The following R3HDM2 variants were observed in gnomAD, a reference collection of about 807,000 sequenced individuals.
R3HDM2 encodes the protein R3H domain-containing protein 2.
In R3HDM2, 38 loss-of-function variants were observed where a neutral mutation model predicts 124.5. That is an observed-to-expected ratio of 0.31 (90% CI 0.24 to 0.40). R3HDM2 has a LOEUF of 0.40. Among genes scored for constraint, R3HDM2 ranks in the 10% least tolerant of loss-of-function variants. R3HDM2 has a pLI of 1.00. For missense variants in R3HDM2, 869 were observed against 1,236.9 expected, an observed-to-expected ratio of 0.70 and a Z score of 4.46; for synonymous variants, 391 against 448.0, an observed-to-expected ratio of 0.87 and a Z score of 1.61.
intron 1 of R3HDM2, among the ~76,000 whole-genome samples, chr12:57,406,482 G>A (rs1429610045): frequency 6.6e-6 from 1 of 151,980 alleles, no homozygotes; most frequent in African/African-American, 2.4e-5. Context: ...TTAATTAAAA[G>A]ACTTAAGCAT....
rs143078668 is a variant in R3HDM2, at chr12:57,331,839, G to A, written c.-35-21376C>T. 5.7e-3 allele frequency among the ~76,000 whole-genome samples: 861 copies of A among 151,968 alleles called. 7 individuals are homozygous for A. Among genetic ancestry groups the A allele is most frequent in the African/African-American group, 0.02 (822 of 41,424 alleles). ...TGAGGCAGGAGAATGACATGAACCC[G>A]GGACGCGGAGCTTGCAGTGAGCCAA... is the stretch of plus-strand genomic sequence containing the variant. On this transcript the variant is annotated intron_variant, in intron 2 of 23. Coordinates refer to ENST00000402412, the MANE Select transcript of R3HDM2 (RefSeq NM_001394031.1).
chr12:57,295,295 A>G, intron 10 of R3HDM2, 104 bp downstream of exon 10: 1 of 759,810 alleles, frequency 1.3e-6, no homozygotes. Context: ...ATTTCTCCGT[A>G]CTAAGATATT....
intron 4 of R3HDM2, among the ~76,000 whole-genome samples, chr12:57,301,110 C>A (rs903936524): frequency 2.0e-5 from 3 of 150,450 alleles, no homozygotes; most frequent in Non-Finnish European, 3.0e-5. Context: ...TCTCAAAAAA[C>A]CAAAAAACAA....
At chr12:57,280,234 G>T (rs1272440567) in intron 14 of R3HDM2, 124 bp downstream of exon 14, 8 of 1,010,180 alleles carry the variant, frequency 7.9e-6, no homozygotes, top group Non-Finnish European at 1.1e-5. Context: ...AGAAATGGGG[G>T]AGAGAGTGGC....
At chr12:57,356,728 T>C (rs1246137007) in intron 2 of R3HDM2, among the ~76,000 whole-genome samples, 2 of 152,368 alleles carry the variant, frequency 1.3e-5, no homozygotes, top group South Asian at 4.1e-4. Flanking sequence ...ATAATTTCTC[T>C]AGTAGACATA....
At chr12:57,397,789 T>C (rs1015167862) in intron 1 of R3HDM2, among the ~76,000 whole-genome samples, 3 of 152,212 alleles carry the variant, frequency 2.0e-5, no homozygotes, top group Non-Finnish European at 4.4e-5. Context: ...ACTAAGAGCT[T>C]TGTCACACCA....
intron 1 of R3HDM2, chr12:57,418,226 T>G: frequency 3.0e-6 from 3 of 985,382 alleles, no homozygotes; most frequent in Non-Finnish European, 3.6e-6. Context: ...TCTTCCCACA[T>G]TTAAACAATC....
chr12:57,368,382 T>C (rs1416360515), intron 2 of R3HDM2, among the ~76,000 whole-genome samples: 1 of 152,188 alleles, frequency 6.6e-6, no homozygotes, highest in African/African-American at 2.4e-5. Context: ...GTCTGGCATT[T>C]GCCCTTAGCT....
chr12:57,310,267 T>G lies in R3HDM2; in HGVS notation c.162A>C (p.Thr54=). 1 of 1,530,684 alleles carries G rather than the reference T, an allele frequency of 6.5e-7. No homozygotes were observed. The allele number at this position is 1,530,684 out of a possible 1,614,324, so 94.8% of individuals were successfully genotyped here. A position where few individuals can be genotyped will look rare whatever the true frequency, so the allele number is the denominator to read the frequency against. ...ACAATGCATTTCCAATCGTTACCTG[T>G]GTCTCCTGACGCAAACTGGTATCTT... The part of the protein sequence containing the change: ...ECEDTSLRQE[T]QRRTSNHGHA... The change falls in exon 3 of 24, where the codon ACA becomes ACC. Residue 54 remains threonine, a synonymous_variant. Transcript: ENST00000402412.
intron 2 of R3HDM2, among the ~76,000 whole-genome samples, chr12:57,391,565 G>A (rs571789122): frequency 3.9e-5 from 6 of 152,188 alleles, no homozygotes; most frequent in Middle Eastern, 3.4e-3. Flanking sequence ...TTCAAACACC[G>A]ACATACACAA....
chr12:57,365,087 A>G lies in R3HDM2; in HGVS notation c.-36+30662T>C, dbSNP rs188185672. ...AGATCAGCCCGGCCAACATGGTAAAACCCCGTCTCTAGTAAAAATAAAAAA... is the reference window on the plus strand; with the variant it reads ...AGATCAGCCCGGCCAACATGGTAAAGCCCCGTCTCTAGTAAAAATAAAAAA... On this transcript the variant is annotated intron_variant, in intron 2 of 23. Transcript: ENST00000402412. 1.2e-3 allele frequency among the ~76,000 whole-genome samples: 187 copies of G among 151,470 alleles called. 1 individual carries two copies. Among genetic ancestry groups the G allele is most frequent in the African/African-American group, 4.1e-3 (171 of 41,250 alleles).
Position 57,360,159 on chromosome 12 carries a change from G to C in R3HDM2, c.-36+35590C>G, listed in dbSNP as rs1456408185. On this transcript the variant is annotated intron_variant, in intron 2 of 23. Transcript: ENST00000402412. ...TTCTCCTGCCTCAGCCTCCCTAGTAGCTGGGATTACAGGCATGCGCCACCA... is the reference window on the plus strand; with the variant it reads ...TTCTCCTGCCTCAGCCTCCCTAGTACCTGGGATTACAGGCATGCGCCACCA... Among the ~76,000 whole-genome samples the C allele has an allele frequency of 2.7e-5, 4 of 150,786 alleles. No individual in the cohort carries two copies. The South Asian group carries it at 6.3e-4, about 24-fold the overall frequency.
chr12:57,357,785 CTATT>C (rs1474682335), intron 2 of R3HDM2, among the ~76,000 whole-genome samples: 1 of 151,324 alleles, frequency 6.6e-6, no homozygotes, highest in African/African-American at 2.4e-5. Flanking sequence ...TGCTTCCTAA[CTATT>C]TAATGCTATA....
At chr12:57,283,484 A>G (rs1269374480) in intron 13 of R3HDM2, among the ~76,000 whole-genome samples, 1 of 152,214 alleles carries the variant, frequency 6.6e-6, no homozygotes, top group African/African-American at 2.4e-5. Context: ...CACGCCTGTA[A>G]TCCCAGCACT....
Position 57,315,992 on chromosome 12 carries a change from G to A in R3HDM2, c.-35-5529C>T, listed in dbSNP as rs1593160544. Among the ~76,000 whole-genome samples the A allele has an allele frequency of 2.6e-5, 4 of 152,226 alleles. No homozygotes were observed. In the South Asian group the frequency reaches 6.2e-4, roughly 24 times the overall value. ...AAATTAGCCGGGCGTGGTGGCACAC[G>A]CCTGTGGTCCTAGCTACTTAGTTGA... On this transcript the variant is annotated intron_variant, in intron 2 of 23. Coordinates refer to ENST00000402412, the MANE Select transcript of R3HDM2 (RefSeq NM_001394031.1).
intron 2 of R3HDM2, among the ~76,000 whole-genome samples, chr12:57,374,844 A>G (rs906464565): frequency 6.6e-6 from 1 of 150,774 alleles, no homozygotes; most frequent in African/African-American, 2.4e-5. Flanking sequence ...ATACAAAAAA[A>G]AAATAGTCGG....
intron 2 of R3HDM2, among the ~76,000 whole-genome samples, chr12:57,390,871 G>C (rs1037643069): frequency 1.3e-5 from 2 of 152,046 alleles, no homozygotes; most frequent in African/African-American, 4.8e-5. Flanking sequence ...AATTAGCCAG[G>C]TGTGGTGGTG....
At chr12:57,343,764 TA>T (rs5798403) in intron 2 of R3HDM2, among the ~76,000 whole-genome samples, 10,252 of 111,614 alleles carry the variant, frequency 0.092, 495 homozygotes, top group East Asian at 0.19. Flanking sequence ...TACAAAAGGT[TA>T]AAAAAAAAAA....
At chr12:57,371,098 T>TTTTTTTTTTA in intron 2 of R3HDM2, among the ~76,000 whole-genome samples, 1 of 138,408 alleles carries the variant, frequency 7.2e-6, no homozygotes, top group South Asian at 2.4e-4. Flanking sequence ...TTTTTTTTTT[T>TTTTTTTTTTA]TTTTTTTTTT....
Sources: allele counts gnomAD v4.1 joint callset (sites outside exome capture counted in the v4.1 genomes callset), GRCh38; gene constraint gnomAD v4.1.1; transcripts MANE v1.5; gene names NCBI Gene and HGNC (gene_info 2026-07-23, HGNC 2026-07-21).